MYLK: variants seen among roughly 807,000 people sequenced by gnomAD.
MYLK encodes myosin light chain kinase, smooth muscle.
In MYLK, 106 loss-of-function variants were observed where a neutral mutation model predicts 203.4. The observed-to-expected ratio is 0.52, with a 90% CI of 0.45 to 0.61. The LOEUF is 0.61. Ranked by LOEUF, MYLK falls within the 20% of genes least tolerant of loss-of-function variation. The pLI, the probability that MYLK is intolerant of heterozygous loss-of-function variation, is 0.00. For missense variants in MYLK, 2,072 were observed against 2,442.3 expected, an observed-to-expected ratio of 0.85 and a Z score of 3.20; for synonymous variants, 867 against 959.5, an observed-to-expected ratio of 0.90 and a Z score of 1.78.
At chr3:123,641,100 A>G (rs2058817932) in intron 27 of MYLK, among the ~76,000 whole-genome samples, 1 of 152,186 alleles carries the variant, frequency 6.6e-6, no homozygotes, top group Non-Finnish European at 1.5e-5. Context: ...TGCAGTCATA[A>G]TTAACTGGTC....
intron 2 of MYLK, among the ~76,000 whole-genome samples, chr3:123,851,504 C>A (rs1274967894): frequency 6.7e-6 from 1 of 149,806 alleles, no homozygotes; most frequent in African/African-American, 2.5e-5. Context: ...CTCTTTGAAG[C>A]AATTGTGAAT....
chr3:123,674,265 G>T (rs1426688863), intron 20 of MYLK, among the ~76,000 whole-genome samples: 1 of 152,014 alleles, frequency 6.6e-6, no homozygotes, highest in Non-Finnish European at 1.5e-5. Context: ...TCCTCAGTCT[G>T]CCAATTTCTA....
intron 3 of MYLK, among the ~76,000 whole-genome samples, chr3:123,811,449 A>G (rs1264462525): frequency 1.3e-5 from 2 of 152,204 alleles, no homozygotes; most frequent in Non-Finnish European, 2.9e-5. Context: ...TCAAAGAGAA[A>G]AATAGAGCCC....
intron 3 of MYLK, among the ~76,000 whole-genome samples, chr3:123,809,838 C>G (rs1235493904): frequency 1.3e-5 from 2 of 152,200 alleles, no homozygotes; most frequent in Non-Finnish European, 2.9e-5. Flanking sequence ...CCACAACACA[C>G]AGCCCTCTCA....
chr3:123,689,766 A>T (rs1003030454), intron 19 of MYLK: 1 of 152,216 alleles, frequency 6.6e-6, no homozygotes. Context: ...GCTCCCTTCT[A>T]TGTGGCACAA....
intron 4 of MYLK, among the ~76,000 whole-genome samples, chr3:123,777,764 C>T (rs2064133623): frequency 6.6e-6 from 1 of 152,092 alleles, no homozygotes; most frequent in African/African-American, 2.4e-5. Context: ...AGTCTACTGC[C>T]CAAAAAGCAT....
intron 5 of MYLK, among the ~76,000 whole-genome samples, chr3:123,747,136 A>G (rs897163002): frequency 2.6e-5 from 4 of 152,208 alleles, no homozygotes; most frequent in Admixed American, 2.0e-4. Context: ...AGTGGCAACA[A>G]AAGATGGCAC....
chr3:123,789,999 AC>A (rs1328855837), intron 4 of MYLK, among the ~76,000 whole-genome samples: 1 of 152,138 alleles, frequency 6.6e-6, no homozygotes, highest in Non-Finnish European at 1.5e-5. Context: ...ACTTTCGGTA[AC>A]ATTTCCTGTG....
intron 13 of MYLK, among the ~76,000 whole-genome samples, chr3:123,721,101 C>T (rs756784120): frequency 7.9e-5 from 12 of 152,192 alleles, no homozygotes; most frequent in Admixed American, 3.9e-4. Flanking sequence ...TGAGAGAATA[C>T]GGGTGAGGTG....
chr3:123,802,112 A>G (rs1375893219), intron 3 of MYLK, among the ~76,000 whole-genome samples: 1 of 152,180 alleles, frequency 6.6e-6, no homozygotes, highest in Non-Finnish European at 1.5e-5. Flanking sequence ...GGACTTTTAA[A>G]CAAAAGCCAT....
intron 10 of MYLK, 146 bp from the exon 11 acceptor site, chr3:123,733,248 C>G (rs2062550975): frequency 2.3e-6 from 2 of 881,118 alleles, no homozygotes. Context: ...CTTCCTCACC[C>G]TCAACCACAC....
chr3:123,782,532 C>G (rs115012292), intron 4 of MYLK, among the ~76,000 whole-genome samples: 4 of 152,212 alleles, frequency 2.6e-5, no homozygotes, highest in Non-Finnish European at 5.9e-5. Context: ...ATCTGAACAT[C>G]CTGGGCTCTC....
At chr3:123,809,550 A>T (rs1431951856) in intron 3 of MYLK, among the ~76,000 whole-genome samples, 5 of 152,006 alleles carry the variant, frequency 3.3e-5, no homozygotes, top group African/African-American at 1.2e-4. Flanking sequence ...AACAAACAAA[A>T]AGAAGACCTC....
intron 16 of MYLK, among the ~76,000 whole-genome samples, chr3:123,703,184 A>C (rs1203240011): frequency 6.6e-6 from 1 of 152,160 alleles, no homozygotes; most frequent in African/African-American, 2.4e-5. Context: ...CCTCCCTCCC[A>C]GTGGACAGAC....
chr3:123,753,177 C>T (rs945916778), intron 4 of MYLK, among the ~76,000 whole-genome samples: 2 of 152,144 alleles, frequency 1.3e-5, no homozygotes, highest in African/African-American at 2.4e-5. Flanking sequence ...GCATTACACA[C>T]TGGGTTTCGA....
chr3:123,679,394 G>A (rs529253880), intron 20 of MYLK, among the ~76,000 whole-genome samples: 1 of 151,958 alleles, frequency 6.6e-6, no homozygotes, highest in East Asian at 1.9e-4. Flanking sequence ...GGAGGCTCCA[G>A]AAACAAATCC....
intron 3 of MYLK, among the ~76,000 whole-genome samples, chr3:123,831,136 G>A (rs569924405): frequency 6.6e-6 from 1 of 152,140 alleles, no homozygotes; most frequent in Admixed American, 6.5e-5. Context: ...GGAGTCAAAG[G>A]AGAAATCAAA....
intron 19 of MYLK, among the ~76,000 whole-genome samples, chr3:123,687,642 C>CTCCT (rs1195887274): frequency 2.0e-5 from 3 of 147,442 alleles, no homozygotes; most frequent in Non-Finnish European, 4.5e-5. Context: ...CCTTCCTTCC[C>CTCCT]TCCTTCCTTC....
At chr3:123,649,701 T>A (rs2059144470) in intron 24 of MYLK, among the ~76,000 whole-genome samples, 1 of 152,224 alleles carries the variant, frequency 6.6e-6, no homozygotes, top group African/African-American at 2.4e-5. Flanking sequence ...AGGCATGGTC[T>A]CTCCTTTCTT....
Sources: gnomAD v4.1 joint callset for allele counts (sites outside exome capture counted in the v4.1 genomes callset) on GRCh38, gnomAD v4.1.1 for gene constraint, MANE v1.5 for transcripts, NCBI Gene and HGNC (gene_info 2026-07-23, HGNC 2026-07-21) for gene names.